The following ST3GAL1 variants were observed in gnomAD, a reference collection of about 807,000 sequenced individuals.
ST3GAL1 encodes the protein CMP-N-acetylneuraminate-beta-galactosamide-alpha-2,3-sialyltransferase 1.
In ST3GAL1, 16 loss-of-function variants were observed where a neutral mutation model predicts 34.1. The observed-to-expected ratio is 0.47, with a 90% CI of 0.32 to 0.71. ST3GAL1 has a LOEUF of 0.71. ST3GAL1 is among the 30% of genes least tolerant of loss of function. ST3GAL1 has a pLI of 0.04. For missense variants in ST3GAL1, 353 were observed against 447.4 expected, an observed-to-expected ratio of 0.79 and a Z score of 1.90; for synonymous variants, 191 against 184.7, an observed-to-expected ratio of 1.03 and a Z score of -0.28.
chr8:133,534,998 C>G (rs536614319), intron 2 of ST3GAL1, among the ~76,000 whole-genome samples: 7 of 152,280 alleles, frequency 4.6e-5, no homozygotes, highest in African/African-American at 1.7e-4. Context: ...ACAGTGTGGT[C>G]AGTGAAAGGA....
chr8:133,472,505 T>A (rs939252896), intron 5 of ST3GAL1, among the ~76,000 whole-genome samples: 1 of 152,218 alleles, frequency 6.6e-6, no homozygotes, highest in Non-Finnish European at 1.5e-5. Flanking sequence ...GTTCCATTCA[T>A]GAAATGGTCC....
chr8:133,501,622 G>A (rs750552308), intron 2 of ST3GAL1, among the ~76,000 whole-genome samples: 5 of 152,180 alleles, frequency 3.3e-5, no homozygotes, highest in African/African-American at 4.8e-5. Flanking sequence ...GGTGGCAGGC[G>A]TCTGTAATCC....
chr8:133,521,753 G>T (rs1372648286), intron 2 of ST3GAL1, among the ~76,000 whole-genome samples: 7 of 152,304 alleles, frequency 4.6e-5, no homozygotes, highest in African/African-American at 7.2e-5. Flanking sequence ...AAATAACACG[G>T]AGGAATATCT....
At chr8:133,523,210 G>A (rs768887907) in intron 2 of ST3GAL1, among the ~76,000 whole-genome samples, 1 of 140,324 alleles carries the variant, frequency 7.1e-6, no homozygotes, top group African/African-American at 2.7e-5. Context: ...ACTCTTCTGT[G>A]GGGGGTTGCT....
At chr8:133,550,921 G>A (rs1231520594) in intron 1 of ST3GAL1, among the ~76,000 whole-genome samples, 1 of 152,106 alleles carries the variant, frequency 6.6e-6, no homozygotes, top group Non-Finnish European at 1.5e-5. Context: ...TTGAAGTATA[G>A]CAGCAAACTA....
At chr8:133,563,054 C>G (rs984461992) in intron 1 of ST3GAL1, among the ~76,000 whole-genome samples, 4 of 151,886 alleles carry the variant, frequency 2.6e-5, no homozygotes, top group African/African-American at 7.3e-5. Context: ...CTCAAGAGCT[C>G]TCTGCTAAGT....
At chr8:133,523,922 C>T (rs1386812142) in intron 2 of ST3GAL1, among the ~76,000 whole-genome samples, 6 of 152,270 alleles carry the variant, frequency 3.9e-5, no homozygotes, top group Middle Eastern at 3.4e-3. Context: ...TTGTGTCCTT[C>T]GGGGAGCTTC....
chr8:133,518,981 A>G (rs1213565915), intron 2 of ST3GAL1, among the ~76,000 whole-genome samples: 3 of 152,110 alleles, frequency 2.0e-5, no homozygotes, highest in Admixed American at 6.5e-5. Flanking sequence ...CCGTGGAGGG[A>G]AGAGAGGAGG....
At chr8:133,479,396 CCA>C (rs1816300594) in intron 3 of ST3GAL1, among the ~76,000 whole-genome samples, 1 of 152,110 alleles carries the variant, frequency 6.6e-6, no homozygotes, top group Admixed American at 6.5e-5. Flanking sequence ...GCCAGAGAAG[CCA>C]CAGTCAAGAC....
At chr8:133,504,695 T>C (rs796627401) in intron 2 of ST3GAL1, among the ~76,000 whole-genome samples, 2 of 152,066 alleles carry the variant, frequency 1.3e-5, no homozygotes, top group African/African-American at 2.4e-5. Context: ...GGACCTTCTA[T>C]GGTCGAGAAG....
intron 1 of ST3GAL1, chr8:133,567,256 G>C (rs1451005283): frequency 1.3e-5 from 2 of 152,108 alleles, no homozygotes; most frequent in Non-Finnish European, 2.9e-5. Context: ...GTGACCTCTG[G>C]GACAGCAAGG....
chr8:133,529,228 C>A (rs533932216), intron 2 of ST3GAL1, among the ~76,000 whole-genome samples: 1 of 152,206 alleles, frequency 6.6e-6, no homozygotes, highest in East Asian at 1.9e-4. Context: ...AGATGGAGAA[C>A]GACTAGGTCC....
intron 2 of ST3GAL1, among the ~76,000 whole-genome samples, chr8:133,544,651 CT>C: frequency 6.6e-6 from 1 of 152,298 alleles, no homozygotes; most frequent in South Asian, 2.1e-4. Context: ...CCTGACCTAC[CT>C]GTGACACCAG....
At position 133,457,495 on chromosome 8, in the gene ST3GAL1, C is replaced by T. The variant is rs1410770402; in HGVS notation, c.*2269G>A. The T allele has an allele frequency of 6.6e-6, 1 of 152,134 alleles. No homozygotes were observed. The highest frequency in any genetic ancestry group is 1.5e-5 in the Non-Finnish European group (1 of 68,048). 9.4% of individuals were successfully genotyped at this position (152,134 alleles called of 1,614,324 possible). ...CAAACATTTGTTGAGCTCTTAACGTCATATATGGGTGTGAGCTCTGCCCTT... is the reference window on the plus strand; with the variant it reads ...CAAACATTTGTTGAGCTCTTAACGTTATATATGGGTGTGAGCTCTGCCCTT... On this transcript the variant is annotated 3_prime_UTR_variant, in exon 10 of 10. Transcript: ENST00000522652.
At position 133,457,369 on chromosome 8, in the gene ST3GAL1, T is replaced by C. The variant is rs1377867536; in HGVS notation, c.*2395A>G. The C allele has an allele frequency of 6.6e-6, 1 of 152,194 alleles. No individual in the cohort carries two copies. The highest frequency in any genetic ancestry group is 1.5e-5 in the Non-Finnish European group (1 of 68,062). The allele number at this position is 152,194 out of a possible 1,614,324, so 9.4% of individuals were successfully genotyped here. ...CTGAGCCTGTCATCCCTATATAGAC[T>C]CAGCTTTTAGGAGAAGAGGGAGAGT... On this transcript the variant is annotated 3_prime_UTR_variant, in exon 10 of 10. Transcript: ENST00000522652.
At chr8:133,567,881 T>C (rs908006686) in intron 1 of ST3GAL1, among the ~76,000 whole-genome samples, 7 of 151,034 alleles carry the variant, frequency 4.6e-5, no homozygotes, top group African/African-American at 1.7e-4. Context: ...AAGCTTTTAA[T>C]GGACCCTCAG....
At chr8:133,533,717 C>T (rs1009913725) in intron 2 of ST3GAL1, among the ~76,000 whole-genome samples, 2 of 152,224 alleles carry the variant, frequency 1.3e-5, no homozygotes, top group African/African-American at 4.8e-5. Flanking sequence ...CTCCATCTCC[C>T]TTCCACTCCT....
intron 2 of ST3GAL1, among the ~76,000 whole-genome samples, chr8:133,529,935 C>G (rs1261920324): frequency 6.6e-6 from 1 of 152,192 alleles, no homozygotes; most frequent in Non-Finnish European, 1.5e-5. Context: ...CCCCTGCCCG[C>G]TCCTTTCTAG....
intron 2 of ST3GAL1, among the ~76,000 whole-genome samples, chr8:133,540,796 C>T (rs1001239216): frequency 8.5e-6 from 1 of 117,014 alleles, no homozygotes; most frequent in Non-Finnish European, 1.8e-5. Context: ...TATATATAGA[C>T]ATATATATAG....
Sources: gnomAD v4.1 joint callset for allele counts (sites outside exome capture counted in the v4.1 genomes callset) on GRCh38, gnomAD v4.1.1 for gene constraint, MANE v1.5 for transcripts, NCBI Gene and HGNC (gene_info 2026-07-23, HGNC 2026-07-21) for gene names.